Variants in SCP2 observed in about 807,000 individuals in gnomAD.
The protein encoded by SCP2 is SCP-2/3-oxoacyl-CoA thiolase.
A neutral mutation model predicts 71.4 loss-of-function variants in SCP2; 48 were observed. That is an observed-to-expected ratio of 0.67 (90% CI 0.53 to 0.86). The LOEUF is 0.86. Ranked by LOEUF, SCP2 falls within the 40% of genes least tolerant of loss-of-function variation. The probability of loss-of-function intolerance (pLI) is 0.00; values close to 1 mark genes in which losing one functional copy is unlikely to be tolerated. For missense variants in SCP2, 560 were observed against 655.6 expected (o/e 0.85, Z 1.59); for synonymous variants, 220 against 218.1 (o/e 1.01, Z -0.08).
At chr1:53,005,145 C>A (rs912025982) in intron 11 of SCP2, among the ~76,000 whole-genome samples, 1 of 152,164 alleles carries the variant, frequency 6.6e-6, no homozygotes, top group African/African-American at 2.4e-5. Context: ...CTGGGTGGAG[C>A]CCATCGCAGC....
chr1:53,014,843 G>T (rs946589422), intron 11 of SCP2, 47 bp from the exon 12 acceptor site: 10 of 1,606,960 alleles, frequency 6.2e-6, no homozygotes, highest in Non-Finnish European at 8.5e-6. Flanking sequence ...TTTCTGGCTT[G>T]AGAAAGCTGG....
At chr1:53,019,744 A>G (rs906495739) in intron 12 of SCP2, among the ~76,000 whole-genome samples, 2 of 152,236 alleles carry the variant, frequency 1.3e-5, no homozygotes, top group Non-Finnish European at 2.9e-5. Context: ...AATGCACGCA[A>G]TAATCTTAAT....
intron 5 of SCP2, among the ~76,000 whole-genome samples, chr1:52,959,400 G>T (rs1434611974): frequency 6.6e-6 from 1 of 151,860 alleles, no homozygotes; most frequent in Non-Finnish European, 1.5e-5. Context: ...TCTCCATGTT[G>T]GTCAGGCTGG....
At chr1:52,975,782 AC>A (rs1257214034) in intron 7 of SCP2, among the ~76,000 whole-genome samples, 1 of 152,206 alleles carries the variant, frequency 6.6e-6, no homozygotes, top group African/African-American at 2.4e-5. Flanking sequence ...AACTGGTCTA[AC>A]ACCAACTGGG....
intron 1 of SCP2, 55 bp downstream of exon 1, chr1:52,927,520 T>A: frequency 7.6e-7 from 1 of 1,322,436 alleles, no homozygotes; most frequent in Non-Finnish European, 1.1e-6. Flanking sequence ...GGTCGGTGCC[T>A]GGGTTTCTCT....
intron 11 of SCP2, among the ~76,000 whole-genome samples, chr1:52,990,193 C>T (rs1057317553): frequency 6.6e-6 from 1 of 151,938 alleles, no homozygotes; most frequent in Non-Finnish European, 1.5e-5. Context: ...ACAGCAACAA[C>T]AACAACAACA....
At chr1:52,966,705 G>A (rs866120241) in intron 6 of SCP2, among the ~76,000 whole-genome samples, 61 of 147,508 alleles carry the variant, frequency 4.1e-4, no homozygotes, top group African/African-American at 1.5e-3. Context: ...CCAACATGGC[G>A]AAACCCCATT....
At chr1:52,977,884 G>A (rs1199727025) in intron 8 of SCP2, among the ~76,000 whole-genome samples, 2 of 151,952 alleles carry the variant, frequency 1.3e-5, no homozygotes, top group Admixed American at 6.6e-5. Flanking sequence ...CACTTGAACC[G>A]GGGAGGAGGA....
At chr1:52,981,463 G>A (rs1251503894) in intron 10 of SCP2, among the ~76,000 whole-genome samples, 2 of 149,782 alleles carry the variant, frequency 1.3e-5, no homozygotes, top group African/African-American at 4.9e-5. Context: ...TTGAGACAGA[G>A]TCTCGCTTTG....
At chr1:52,960,504 G>A (rs1387547969) in intron 5 of SCP2, among the ~76,000 whole-genome samples, 1,763 of 137,918 alleles carry the variant, frequency 0.013, 33 homozygotes, top group African/African-American at 0.047. Flanking sequence ...GTGTGTGTGT[G>A]TGTGTGTGTG....
chr1:52,973,163 A>G (rs576985790), intron 6 of SCP2, among the ~76,000 whole-genome samples: 139 of 152,368 alleles, frequency 9.1e-4, no homozygotes, highest in Non-Finnish European at 6.0e-4. Flanking sequence ...CTCTAGGTCA[A>G]TGCATTAATT....
At chr1:52,995,087 A>G (rs1659830407) in intron 11 of SCP2, 4 of 499,416 alleles carry the variant, frequency 8.0e-6, no homozygotes, top group Non-Finnish European at 1.6e-5. Context: ...GATGTGGTGC[A>G]GGAGGAGTAA....
At chr1:53,003,497 G>A (rs1398178823) in intron 11 of SCP2, among the ~76,000 whole-genome samples, 1 of 152,070 alleles carries the variant, frequency 6.6e-6, no homozygotes, top group Non-Finnish European at 1.5e-5. Context: ...TGAGATTATA[G>A]GCATGAGCCA....
intron 3 of SCP2, among the ~76,000 whole-genome samples, chr1:52,949,046 A>G (rs554008189): frequency 3.9e-5 from 6 of 151,964 alleles, no homozygotes; most frequent in Non-Finnish European, 8.8e-5. Context: ...AAGATCTACT[A>G]CAGCTTATTT....
intron 2 of SCP2, 98 bp from the exon 3 acceptor site, chr1:52,947,911 T>C: frequency 1.3e-6 from 1 of 792,582 alleles, no homozygotes; most frequent in South Asian, 1.4e-5. Context: ...ATAGACTATA[T>C]AGAGGTAGTT....
At position 52,978,210 on chromosome 1, in the gene SCP2, C is replaced by T. The variant is rs1291321905; in HGVS notation, c.675-7C>T. The T allele has an allele frequency of 6.2e-7, 1 of 1,613,020 alleles. No individual in the cohort carries two copies. Among genetic ancestry groups the T allele is most frequent in the East Asian group, 2.2e-5 (1 of 44,888 alleles). On this transcript the variant is annotated splice_region_variant and splice_polypyrimidine_tract_variant and intron_variant, in intron 8 of 15. Coordinates refer to ENST00000371514, the MANE Select transcript of SCP2 (RefSeq NM_002979.5). ...GGGTGTGGAGAATTATTTTTACTTC[C>T]TCTTAGTCCCACTTCAGATGGTGCT...
intron 13 of SCP2, among the ~76,000 whole-genome samples, chr1:53,035,998 C>A (rs1420725195): frequency 1.6e-5 from 2 of 126,700 alleles, no homozygotes; most frequent in Non-Finnish European, 3.1e-5. Flanking sequence ...CCAGCCTGGG[C>A]GACAGAGCGA....
chr1:53,044,905 T>C (rs1258326037), intron 14 of SCP2, among the ~76,000 whole-genome samples: 1 of 152,252 alleles, frequency 6.6e-6, no homozygotes, highest in Admixed American at 6.5e-5. Context: ...TTTTAAAAGC[T>C]TTGTATTATT....
chr1:53,002,138 G>C (rs1660355529), intron 11 of SCP2, among the ~76,000 whole-genome samples: 1 of 148,422 alleles, frequency 6.7e-6, no homozygotes, highest in South Asian at 2.1e-4. Context: ...AGTGAGCCGA[G>C]ATCACGCCAC....
Sources: gnomAD v4.1 joint callset for allele counts (sites outside exome capture counted in the v4.1 genomes callset) on GRCh38, gnomAD v4.1.1 for gene constraint, MANE v1.5 for transcripts, NCBI Gene and HGNC (gene_info 2026-07-23, HGNC 2026-07-21) for gene names.